Variants in MEAF6 observed in about 807,000 individuals in gnomAD.
MEAF6 encodes chromatin modification-related protein MEAF6.
A neutral mutation model predicts 28.9 loss-of-function variants in MEAF6; 15 were observed. The observed-to-expected ratio is 0.52, with a 90% CI of 0.35 to 0.80. The LOEUF (loss-of-function observed/expected upper bound fraction) is 0.80, where lower values mean the gene tolerates loss of function less well. MEAF6 is among the 30% of genes least tolerant of loss of function. MEAF6 has a pLI of 0.01. For missense variants in MEAF6, 178 were observed against 237.5 expected (o/e 0.75, Z 1.65); for synonymous variants, 97 against 88.7 (o/e 1.09, Z -0.53).
chr1:37,495,430 CG>C (rs1642087646), intron 6 of MEAF6, among the ~76,000 whole-genome samples: 1 of 151,422 alleles, frequency 6.6e-6, no homozygotes, highest in African/African-American at 2.4e-5. Flanking sequence ...AGGCCAGGCA[CG>C]TTGGCTCACA....
At chr1:37,504,233 G>C (rs11264061) in intron 4 of MEAF6, among the ~76,000 whole-genome samples, 20,060 of 152,142 alleles carry the variant, frequency 0.13, 1,622 homozygotes, top group South Asian at 0.17. Context: ...CTCCATGATT[G>C]TAAGTTTCCT....
chr1:37,504,947 G>A (rs866562068), intron 4 of MEAF6, among the ~76,000 whole-genome samples: 11 of 151,402 alleles, frequency 7.3e-5, no homozygotes, highest in African/African-American at 2.2e-4. Flanking sequence ...ACAGTGGCGC[G>A]ATCTTGGCTC....
At chr1:37,506,883 T>A (rs925280120) in intron 4 of MEAF6, among the ~76,000 whole-genome samples, 1 of 152,228 alleles carries the variant, frequency 6.6e-6, no homozygotes, top group African/African-American at 2.4e-5. Flanking sequence ...CATAAGTGTT[T>A]GTCTTAGCCA....
chr1:37,495,865 G>A lies in MEAF6; in HGVS notation c.567+20C>T. 1 of 1,613,624 alleles carries A rather than the reference G, an allele frequency of 6.2e-7. No homozygotes were observed. The highest frequency in any genetic ancestry group is 1.1e-5 in the South Asian group (1 of 91,058). On this transcript the variant is annotated intron_variant, in intron 6 of 6. Coordinates refer to ENST00000296214, the MANE Select transcript of MEAF6 (RefSeq NM_001270875.3). ...CTACAAAATTGCCAGCCTCTCTGAAGTGGTCCGGCTGATACTTACAGCTCG... is the reference window on the plus strand; with the variant it reads ...CTACAAAATTGCCAGCCTCTCTGAAATGGTCCGGCTGATACTTACAGCTCG...
At chr1:37,512,610 T>C (rs1028781715) in intron 2 of MEAF6, among the ~76,000 whole-genome samples, 1 of 152,214 alleles carries the variant, frequency 6.6e-6, no homozygotes, top group East Asian at 1.9e-4. Flanking sequence ...TGAGGGTCAG[T>C]TGGGCGTGGT....
Position 37,490,980 on chromosome 1 carries a change from T to C in MEAF6, c.*3119A>G, listed in dbSNP as rs571566398. On this transcript the variant is annotated 3_prime_UTR_variant, in exon 7 of 7. Coordinates refer to ENST00000296214, the MANE Select transcript of MEAF6 (RefSeq NM_001270875.3). ...AGGCGGAGGTAGCAGTGAGCCAAGA[T>C]TGTGCCACTGCACTCCAGCCTGGAC... Among the ~76,000 whole-genome samples, 16 of 152,200 alleles carry C rather than the reference T, an allele frequency of 1.1e-4. No homozygotes were observed. Among genetic ancestry groups the C allele is most frequent in the Middle Eastern group, 3.4e-3 (1 of 294 alleles).
chr1:37,490,386 T>C lies in MEAF6; in HGVS notation c.*3713A>G, dbSNP rs375352659. Reference sequence around the variant, plus strand: ...GTATGAAAATTCCAATCCCTTCTTTTCACTATCATTGTATCTGACACACAC... The same window carrying C: ...GTATGAAAATTCCAATCCCTTCTTTCCACTATCATTGTATCTGACACACAC... On this transcript the variant is annotated 3_prime_UTR_variant, in exon 7 of 7. Coordinates refer to ENST00000296214, the MANE Select transcript of MEAF6 (RefSeq NM_001270875.3). Among the ~76,000 whole-genome samples the C allele has an allele frequency of 1.6e-4, 25 of 152,258 alleles. No individual in the cohort carries two copies. The South Asian group carries it at 5.0e-3, about 30-fold the overall frequency.
intron 2 of MEAF6, among the ~76,000 whole-genome samples, chr1:37,512,223 T>C (rs1193457447): frequency 6.6e-6 from 1 of 152,220 alleles, no homozygotes; most frequent in East Asian, 1.9e-4. Context: ...ATATATACAT[T>C]GTACCAATGT....
rs1642028049 is a variant in MEAF6, at chr1:37,493,941, TCAC to T, written c.*155_*157del. Reference sequence around the variant, plus strand: ...ATGTCTTACAGAAATGACTTGTTTGTCACCACATTTAGAACAAACTACTCAAAG... The same window carrying T: ...ATGTCTTACAGAAATGACTTGTTTGTCACATTTAGAACAAACTACTCAAAG... On this transcript the variant is annotated 3_prime_UTR_variant, in exon 7 of 7. Transcript: ENST00000296214. 3 of 1,575,856 alleles carry T rather than the reference TCAC, an allele frequency of 1.9e-6. No individual in the cohort carries two copies. Among genetic ancestry groups the T allele is most frequent in the Non-Finnish European group, 2.6e-6 (3 of 1,163,918 alleles).
At chr1:37,503,206 A>C (rs893151671) in intron 4 of MEAF6, among the ~76,000 whole-genome samples, 3 of 152,214 alleles carry the variant, frequency 2.0e-5, no homozygotes, top group Non-Finnish European at 4.4e-5. Context: ...CAAACTGCTG[A>C]GATTACAGGC....
chr1:37,511,686 T>G (rs577637545), intron 2 of MEAF6, among the ~76,000 whole-genome samples: 8 of 152,242 alleles, frequency 5.3e-5, no homozygotes, highest in Non-Finnish European at 1.2e-4. Context: ...GCAAAAATGT[T>G]TAAAGGATCT....
intron 5 of MEAF6, among the ~76,000 whole-genome samples, chr1:37,497,981 C>T (rs528778220): frequency 6.6e-6 from 1 of 152,278 alleles, no homozygotes; most frequent in South Asian, 2.1e-4. Context: ...AGAAGGAGAC[C>T]ATTTTGTGCC....
At chr1:37,496,949 A>C (rs1195333977) in intron 5 of MEAF6, among the ~76,000 whole-genome samples, 2 of 152,366 alleles carry the variant, frequency 1.3e-5, no homozygotes, top group East Asian at 3.9e-4. Context: ...TAGACTATGA[A>C]AGAAAAAGTT....
At chr1:37,503,644 G>A (rs915590153) in intron 4 of MEAF6, among the ~76,000 whole-genome samples, 4 of 127,076 alleles carry the variant, frequency 3.1e-5, no homozygotes, top group Non-Finnish European at 6.3e-5. Context: ...CTGGGCAACA[G>A]AGCAAGACTG....
At chr1:37,494,600 G>A (rs1642052165) in intron 6 of MEAF6, among the ~76,000 whole-genome samples, 6 of 151,528 alleles carry the variant, frequency 4.0e-5, no homozygotes, top group Admixed American at 3.3e-4. Context: ...GGAGGCCCAG[G>A]CGGGCAGATC....
rs1345762287 is a variant in MEAF6, at chr1:37,494,049, G to A, written c.*50C>T. On this transcript the variant is annotated 3_prime_UTR_variant, in exon 7 of 7. Coordinates refer to ENST00000296214, the MANE Select transcript of MEAF6 (RefSeq NM_001270875.3). ...GGATGTTTATCTTTGTGAGGTCAGA[G>A]AAGGGAAGCAGGGCTCTACAGCCTG... is the stretch of plus-strand genomic sequence containing the variant. The A allele has an allele frequency of 3.1e-6, 5 of 1,603,212 alleles. No homozygotes were observed. The highest frequency in any genetic ancestry group is 1.8e-5 in the Admixed American group (1 of 56,552).
chr1:37,512,366 A>G (rs962253605), intron 2 of MEAF6, among the ~76,000 whole-genome samples: 50 of 152,348 alleles, frequency 3.3e-4, no homozygotes, highest in African/African-American at 1.2e-3. Context: ...TAAAAATGTG[A>G]AATGTAAATA....
At chr1:37,512,639 C>T (rs1642706411) in intron 2 of MEAF6, among the ~76,000 whole-genome samples, 1 of 152,116 alleles carries the variant, frequency 6.6e-6, no homozygotes, top group South Asian at 2.1e-4. Flanking sequence ...CCTTTAATTC[C>T]AACACTTTGA....
intron 4 of MEAF6, among the ~76,000 whole-genome samples, chr1:37,506,881 T>C (rs979481927): frequency 1.3e-5 from 2 of 152,272 alleles, no homozygotes; most frequent in South Asian, 4.1e-4. Flanking sequence ...TACATAAGTG[T>C]TTGTCTTAGC....
Sources: allele counts gnomAD v4.1 joint callset (sites outside exome capture counted in the v4.1 genomes callset), GRCh38; gene constraint gnomAD v4.1.1; transcripts MANE v1.5; gene names NCBI Gene and HGNC (gene_info 2026-07-23, HGNC 2026-07-21).